QTGAL: variants seen among roughly 807,000 people sequenced by gnomAD.
QTGAL encodes queuosine-tRNA galactosyltransferase.
At chr17:83,019,054 C>G in the QTGAL span, among the ~76,000 whole-genome samples, 1 of 152,194 alleles carries the variant, frequency 6.6e-6, no homozygotes, top group East Asian at 1.9e-4. Flanking sequence ...ACACTGCCAC[C>G]AGGAGACGCA....
the QTGAL span, chr17:82,947,590 C>T: frequency 6.5e-6 from 1 of 152,688 alleles, no homozygotes; most frequent in African/African-American, 2.4e-5. Flanking sequence ...CCCTGCACCC[C>T]AGCACCTCCT....
the QTGAL span, chr17:82,957,199 A>C: frequency 6.2e-7 from 1 of 1,614,056 alleles, no homozygotes; most frequent in Admixed American, 1.7e-5. Flanking sequence ...CCTCGTGGCA[A>C]TAGAAGCCTT....
At chr17:82,966,409 C>A in the QTGAL span, among the ~76,000 whole-genome samples, 1 of 152,186 alleles carries the variant, frequency 6.6e-6, no homozygotes, top group African/African-American at 2.4e-5. Flanking sequence ...AGAGCCAGCA[C>A]AATTTTGAAA....
the QTGAL span, among the ~76,000 whole-genome samples, chr17:82,995,048 A>G: frequency 2.0e-5 from 3 of 152,248 alleles, no homozygotes; most frequent in Non-Finnish European, 4.4e-5. Flanking sequence ...TTAACATAAT[A>G]AAAGCCATAT....
the QTGAL span, among the ~76,000 whole-genome samples, chr17:82,990,889 G>A: frequency 6.6e-6 from 1 of 152,156 alleles, no homozygotes; most frequent in Non-Finnish European, 1.5e-5. Context: ...AGGGTTCAGA[G>A]AAAAGGTGGG....
At chr17:83,045,153 C>A in the QTGAL span, among the ~76,000 whole-genome samples, 1 of 152,128 alleles carries the variant, frequency 6.6e-6, no homozygotes, top group African/African-American at 2.4e-5. Flanking sequence ...TGAGCACTCT[C>A]AAAGAAAATT....
chr17:82,969,355 C>T, the QTGAL span, among the ~76,000 whole-genome samples: 2 of 151,890 alleles, frequency 1.3e-5, no homozygotes, highest in East Asian at 2.0e-4. Context: ...GACAGGGTTT[C>T]GCTACATTGC....
the QTGAL span, among the ~76,000 whole-genome samples, chr17:83,000,241 A>T: frequency 6.7e-6 from 1 of 149,352 alleles, no homozygotes; most frequent in African/African-American, 2.5e-5. Flanking sequence ...GATTACAGGC[A>T]TGAGCCACTG....
chr17:82,963,275 C>T, the QTGAL span, among the ~76,000 whole-genome samples: 5 of 152,184 alleles, frequency 3.3e-5, no homozygotes, highest in African/African-American at 7.2e-5. Context: ...GAGTCAGGGA[C>T]GCGCTTCCTT....
the QTGAL span, among the ~76,000 whole-genome samples, chr17:82,992,717 C>T: frequency 1.3e-5 from 2 of 152,066 alleles, no homozygotes; most frequent in African/African-American, 4.8e-5. Flanking sequence ...AAGTGAAAGA[C>T]TGAACAATGA....
At chr17:82,974,653 C>T in the QTGAL span, among the ~76,000 whole-genome samples, 6 of 152,174 alleles carry the variant, frequency 3.9e-5, no homozygotes, top group Admixed American at 2.6e-4. Flanking sequence ...GTCTAATCAG[C>T]ACATTCACCC....
At chr17:82,997,340 C>T in the QTGAL span, among the ~76,000 whole-genome samples, 7 of 152,164 alleles carry the variant, frequency 4.6e-5, no homozygotes, top group Admixed American at 2.0e-4. Flanking sequence ...TACAATTTTT[C>T]TCATTCCAGT....
the QTGAL span, among the ~76,000 whole-genome samples, chr17:83,024,267 G>A: frequency 2.7e-5 from 4 of 145,688 alleles, no homozygotes; most frequent in East Asian, 5.8e-4. Context: ...CCAGCTCAGC[G>A]GCAGCCTCCG....
At chr17:83,041,506 CTT>C in the QTGAL span, among the ~76,000 whole-genome samples, 13 of 152,324 alleles carry the variant, frequency 8.5e-5, no homozygotes, top group African/African-American at 3.1e-4. Flanking sequence ...GAGAAAATCA[CTT>C]GTCACTTACA....
At chr17:83,051,116 AGT>A in the QTGAL span, among the ~76,000 whole-genome samples, 1 of 64,546 alleles carries the variant, frequency 1.5e-5, no homozygotes, top group African/African-American at 6.3e-5. Flanking sequence ...CGCGGGGGCG[AGT>A]CAGGAGCGCG....
the QTGAL span, among the ~76,000 whole-genome samples, chr17:83,041,264 A>G: frequency 0.2 from 30,924 of 152,102 alleles, 3,306 homozygotes; most frequent in Non-Finnish European, 0.24. Flanking sequence ...ACCAATAACT[A>G]TACCAACATA....
At chr17:83,034,061 C>G in the QTGAL span, among the ~76,000 whole-genome samples, 3 of 152,148 alleles carry the variant, frequency 2.0e-5, no homozygotes, top group Non-Finnish European at 4.4e-5. Flanking sequence ...CTGCCTCAGT[C>G]TCCCAAGTAG....
the QTGAL span, among the ~76,000 whole-genome samples, chr17:83,036,078 T>C: frequency 6.6e-6 from 1 of 152,172 alleles, no homozygotes; most frequent in Non-Finnish European, 1.5e-5. Flanking sequence ...TCCTAACAGA[T>C]ACTGTGCGGC....
At chr17:83,036,249 G>T in the QTGAL span, among the ~76,000 whole-genome samples, 1 of 152,252 alleles carries the variant, frequency 6.6e-6, no homozygotes, top group Non-Finnish European at 1.5e-5. Context: ...CCTCTCCCAG[G>T]CTGCTAAGCA....
Sources: gnomAD v4.1 joint callset for allele counts (sites outside exome capture counted in the v4.1 genomes callset) on GRCh38, gnomAD v4.1.1 for gene constraint, MANE v1.5 for transcripts, NCBI Gene and HGNC (gene_info 2026-07-23, HGNC 2026-07-21) for gene names.